NUDT21: variants seen among roughly 807,000 people sequenced by gnomAD.
NUDT21 encodes the protein cleavage and polyadenylation specificity factor subunit 5.
Under a neutral mutation model 29.8 loss-of-function variants are expected in NUDT21, and 5 were observed. That is an observed-to-expected ratio of 0.17 (90% confidence interval 0.09 to 0.35). The LOEUF is 0.35. NUDT21 is among the 10% of genes least tolerant of loss of function. NUDT21 has a pLI of 1.00. For synonymous variants in NUDT21, 113 were observed against 98.5 expected (o/e 1.15, Z -0.87); for missense variants, 76 against 276.0 (o/e 0.28, Z 5.13).
At chr16:56,439,520 T>C (rs1293791021) in intron 4 of NUDT21, 137 bp downstream of exon 4, 2 of 717,000 alleles carry the variant, frequency 2.8e-6, no homozygotes, top group African/African-American at 3.5e-5. Context: ...AGTGCTTGGC[T>C]TAATTTTGTA....
intron 1 of NUDT21, 151 bp from the exon 2 acceptor site, chr16:56,448,140 CAG>C (rs1962239906): frequency 1.5e-6 from 1 of 645,184 alleles, no homozygotes; most frequent in Non-Finnish European, 2.6e-6. Context: ...AATGAAACAG[CAG>C]AGACTGGAAT....
intron 3 of NUDT21, among the ~76,000 whole-genome samples, chr16:56,443,421 G>A (rs777183810): frequency 1.5e-4 from 23 of 152,036 alleles, no homozygotes; most frequent in African/African-American, 3.6e-4. Context: ...TGATCCACCC[G>A]CCTTGGCCTC....
intron 3 of NUDT21, among the ~76,000 whole-genome samples, chr16:56,440,346 C>G (rs1235786118): frequency 1.3e-5 from 2 of 152,182 alleles, no homozygotes; most frequent in Non-Finnish European, 2.9e-5. Flanking sequence ...CAACCAATAC[C>G]AAGACAAGAT....
At chr16:56,449,919 T>C (rs1653645981) in intron 1 of NUDT21, among the ~76,000 whole-genome samples, 1 of 152,194 alleles carries the variant, frequency 6.6e-6, no homozygotes, top group Non-Finnish European at 1.5e-5. Flanking sequence ...TGAGAACTTT[T>C]ATACACACAA....
chr16:56,441,591 G>T (rs1285499657), intron 3 of NUDT21, among the ~76,000 whole-genome samples: 1 of 152,164 alleles, frequency 6.6e-6, no homozygotes, highest in Non-Finnish European at 1.5e-5. Flanking sequence ...CTATGAATGA[G>T]AATTTAGATA....
Position 56,429,234 on chromosome 16 carries a change from C to T in NUDT21, c.*3478G>A, listed in dbSNP as rs1234774116. 2 of 152,164 alleles carry T rather than the reference C, an allele frequency of 1.3e-5. No individual in the cohort carries two copies. Among genetic ancestry groups the T allele is most frequent in the African/African-American group, 4.8e-5 (2 of 41,440 alleles). 9.4% of individuals were successfully genotyped at this position (152,164 alleles called of 1,614,324 possible). On this transcript the variant is annotated 3_prime_UTR_variant, in exon 7 of 7. Coordinates refer to ENST00000300291, the MANE Select transcript of NUDT21 (RefSeq NM_007006.3). ...TACAAATATAAAAATATAACCAAAACTTGTTTCTTTTATACATTTGCCATA... is the reference window on the plus strand; with the variant it reads ...TACAAATATAAAAATATAACCAAAATTTGTTTCTTTTATACATTTGCCATA...
At chr16:56,448,028 G>T (rs757415309) in intron 1 of NUDT21, 39 bp from the exon 2 acceptor site, 2 of 1,553,054 alleles carry the variant, frequency 1.3e-6, no homozygotes, top group South Asian at 2.3e-5. Context: ...GAGAACTGAA[G>T]AATGTAATTT....
chr16:56,441,099 G>A (rs1209155923), intron 3 of NUDT21, among the ~76,000 whole-genome samples: 4 of 151,954 alleles, frequency 2.6e-5, no homozygotes, highest in South Asian at 4.1e-4. Flanking sequence ...GGAGCACAGC[G>A]ACGCAATCAT....
rs2143929461 is a variant in NUDT21 at position 56,431,323 on chromosome 16, A to C, written c.*1389T>G. On this transcript the variant is annotated 3_prime_UTR_variant, in exon 7 of 7. Transcript: ENST00000300291. The stretch of plus-strand genomic sequence containing the variant: ...AACTGGGGCATTTTTGATCATGGAG[A>C]CTGGTGCTCACCTACCATGAAGGAC... The C allele has an allele frequency of 6.6e-6, 1 of 152,334 alleles. No homozygotes were observed. Among genetic ancestry groups the C allele is most frequent in the East Asian group, 1.9e-4 (1 of 5,182 alleles). 9.4% of individuals were successfully genotyped at this position (152,334 alleles called of 1,614,324 possible). A position where few individuals can be genotyped will look rare whatever the true frequency, so the allele number is the denominator to read the frequency against.
intron 3 of NUDT21, 70 bp from the exon 4 acceptor site, chr16:56,439,816 G>C: frequency 8.1e-7 from 1 of 1,241,968 alleles, no homozygotes; most frequent in East Asian, 2.3e-5. Flanking sequence ...TCAGTGAACA[G>C]AAAATTCTTA....
Position 56,434,457 on chromosome 16 carries a change from CAG to C in NUDT21, c.548-14_548-13del, listed in dbSNP as rs747705682. On this transcript the variant is annotated splice_polypyrimidine_tract_variant and intron_variant, in intron 5 of 6. Transcript: ENST00000300291. ...GACTGCAAACAAGGCTAAAATAAAA[CAG>C]AATTCATTATTATAAGTTATTATAT... The C allele has an allele frequency of 1.4e-6, 2 of 1,452,424 alleles. No homozygotes were observed. Among genetic ancestry groups the C allele is most frequent in the Non-Finnish European group, 1.9e-6 (2 of 1,034,874 alleles). 90.0% of individuals were successfully genotyped at this position (1,452,424 alleles called of 1,614,324 possible). A position where few individuals can be genotyped will look rare whatever the true frequency, so the allele number is the denominator to read the frequency against.
At chr16:56,432,996 A>G (rs554304133) in intron 6 of NUDT21, among the ~76,000 whole-genome samples, 6 of 152,196 alleles carry the variant, frequency 3.9e-5, no homozygotes, top group African/African-American at 1.4e-4. Flanking sequence ...TTATCCACTA[A>G]TAAGTTCTTT....
intron 3 of NUDT21, among the ~76,000 whole-genome samples, chr16:56,445,268 T>TC (rs1312367844): frequency 1.3e-5 from 2 of 152,204 alleles, no homozygotes; most frequent in Non-Finnish European, 1.5e-5. Flanking sequence ...ATGCAAATAT[T>TC]CCAAAACCTG....
intron 2 of NUDT21, 94 bp from the exon 3 acceptor site, chr16:56,446,783 ACATATTTCAG>A (rs1962224253): frequency 1.3e-6 from 1 of 753,846 alleles, no homozygotes; most frequent in African/African-American, 1.8e-5. Flanking sequence ...GTCACTAAGA[ACATATTTCAG>A]CATAATAAGG....
chr16:56,435,743 T>TTTTATATATATATATATA (rs1555514701), intron 4 of NUDT21, among the ~76,000 whole-genome samples: 4 of 27,058 alleles, frequency 1.5e-4, no homozygotes, highest in African/African-American at 5.6e-4. Context: ...AAAAAAAAAA[T>TTTTATATATATATATATA]TATATATATA....
chr16:56,442,163 T>C, intron 3 of NUDT21, among the ~76,000 whole-genome samples: 1 of 152,232 alleles, frequency 6.6e-6, no homozygotes. Context: ...ATTGCAGGCA[T>C]GAGCCACCAC....
At position 56,429,771 on chromosome 16, in the gene NUDT21, T is replaced by A. The variant is rs1567536391; in HGVS notation, c.*2941A>T. 6.6e-6 allele frequency: 1 copy of A among 152,214 alleles called. No individual in the cohort carries two copies. Among genetic ancestry groups the A allele is most frequent in the South Asian group, 2.1e-4 (1 of 4,836 alleles). 9.4% of individuals were successfully genotyped at this position (152,214 alleles called of 1,614,324 possible). On this transcript the variant is annotated 3_prime_UTR_variant, in exon 7 of 7. Transcript: ENST00000300291. ...AAACATACAAAATTGCAAACTCTGA[T>A]GCAGTCTCAGTGATTGGCATATACT... is the stretch of plus-strand genomic sequence containing the variant.
chr16:56,449,633 T>C (rs764108585), intron 1 of NUDT21, among the ~76,000 whole-genome samples: 10 of 152,168 alleles, frequency 6.6e-5, no homozygotes, highest in East Asian at 1.9e-4. Flanking sequence ...TACAAAATGG[T>C]TGGATGCAAA....
rs1345086418 is a variant in NUDT21, at chr16:56,429,641, T to C, written c.*3071A>G. 1 of 152,264 alleles carries C rather than the reference T, an allele frequency of 6.6e-6. No homozygotes were observed. The highest frequency in any genetic ancestry group is 2.4e-5 in the African/African-American group (1 of 41,546). The allele number at this position is 152,264 out of a possible 1,614,324, so 9.4% of individuals were successfully genotyped here. On this transcript the variant is annotated 3_prime_UTR_variant, in exon 7 of 7. Transcript: ENST00000300291. ...AATGAGTCCAGTTTAACCCAAATAA[T>C]CAGTGATGTATAACAAGTGAAGTAA...
Sources: gnomAD v4.1 joint callset for allele counts (sites outside exome capture counted in the v4.1 genomes callset) on GRCh38, gnomAD v4.1.1 for gene constraint, MANE v1.5 for transcripts, NCBI Gene and HGNC (gene_info 2026-07-23, HGNC 2026-07-21) for gene names.